Variants in CDH12 observed in about 807,000 individuals in gnomAD.
CDH12 encodes cadherin 12, also known as cadherin-12.
A neutral mutation model predicts 74.1 loss-of-function variants in CDH12; 41 were observed. The observed-to-expected ratio is 0.55, with a 90% CI of 0.43 to 0.72. CDH12 has a LOEUF of 0.72. CDH12 is among the 30% of genes least tolerant of loss of function. The probability of loss-of-function intolerance (pLI) is 0.00; values close to 1 mark genes in which losing one functional copy is unlikely to be tolerated. For missense variants in CDH12, 945 were observed against 977.2 expected (o/e 0.97, Z 0.44); for synonymous variants, 399 against 355.0 (o/e 1.12, Z -1.39).
rs146383305 is a variant in CDH12, at chr5:22,230,012, C to T, written c.-332-17369G>A. The stretch of plus-strand genomic sequence containing the variant: ...TTAATAAATAGTGAGAGTAGGACTA[C>T]GCTGCTATAAAGAAATACTGATTTA... On this transcript the variant is annotated intron_variant, in intron 3 of 14. Transcript: ENST00000382254. 1.5e-4 allele frequency among the ~76,000 whole-genome samples: 23 copies of T among 151,980 alleles called. 2 individuals carry two copies. In the East Asian group the frequency reaches 1.9e-3, roughly 13 times the overall value.
chr5:22,052,402 G>T (rs1378174699), intron 5 of CDH12, among the ~76,000 whole-genome samples: 3 of 151,960 alleles, frequency 2.0e-5, no homozygotes, highest in Non-Finnish European at 4.4e-5. Flanking sequence ...ATTTTCTCGG[G>T]AATCGTTCAC....
intron 1 of CDH12, among the ~76,000 whole-genome samples, chr5:22,672,035 T>C (rs900679932): frequency 1.4e-5 from 2 of 144,300 alleles, no homozygotes; most frequent in Admixed American, 1.4e-4. Context: ...TAAATATACG[T>C]AAAATATATA....
At chr5:21,812,140 A>T (rs1312254051) in intron 9 of CDH12, among the ~76,000 whole-genome samples, 1 of 152,082 alleles carries the variant, frequency 6.6e-6, no homozygotes, top group Admixed American at 6.6e-5. Context: ...TGTATTCTTA[A>T]GTGCGTTAAA....
At chr5:22,495,875 G>A (rs1747088095) in intron 2 of CDH12, among the ~76,000 whole-genome samples, 1 of 152,070 alleles carries the variant, frequency 6.6e-6, no homozygotes, top group South Asian at 2.1e-4. Context: ...ACAGAAGAGG[G>A]GGAACATTCT....
chr5:22,155,186 T>G (rs961627575), intron 4 of CDH12, among the ~76,000 whole-genome samples: 8 of 152,172 alleles, frequency 5.3e-5, no homozygotes, highest in Admixed American at 5.2e-4. Context: ...AAGGCTCATG[T>G]GATTAAATTG....
intron 1 of CDH12, among the ~76,000 whole-genome samples, chr5:22,805,527 T>C (rs1233776449): frequency 2.0e-5 from 3 of 152,150 alleles, no homozygotes; most frequent in Non-Finnish European, 4.4e-5. Flanking sequence ...TTTGAGTATA[T>C]GTTTGCTTAA....
chr5:21,880,447 T>C (rs1203576428), intron 6 of CDH12, among the ~76,000 whole-genome samples: 3 of 146,728 alleles, frequency 2.0e-5, no homozygotes, highest in African/African-American at 7.7e-5. Context: ...TCCTTCCTTC[T>C]TTCCTTCCTT....
At chr5:22,351,665 T>C (rs969755194) in intron 3 of CDH12, among the ~76,000 whole-genome samples, 2 of 152,248 alleles carry the variant, frequency 1.3e-5, no homozygotes, top group Non-Finnish European at 2.9e-5. Flanking sequence ...AGTTGCAGAA[T>C]TTATCATGAA....
At chr5:22,091,517 G>A (rs981238081) in intron 4 of CDH12, among the ~76,000 whole-genome samples, 8 of 151,768 alleles carry the variant, frequency 5.3e-5, no homozygotes, top group African/African-American at 1.9e-4. Flanking sequence ...AGTGAAAAAT[G>A]CATATGCTGA....
intron 1 of CDH12, among the ~76,000 whole-genome samples, chr5:22,684,269 G>A (rs760203396): frequency 1.3e-4 from 20 of 152,118 alleles, no homozygotes; most frequent in Non-Finnish European, 2.8e-4. Context: ...GGAGAATGGG[G>A]TATCCATCCC....
chr5:22,300,273 GACA>G (rs1355145991), intron 3 of CDH12, among the ~76,000 whole-genome samples: 1 of 152,166 alleles, frequency 6.6e-6, no homozygotes, highest in Admixed American at 6.5e-5. Context: ...CTACAGCTAT[GACA>G]ACAACATTTA....
At chr5:22,287,787 TA>T (rs1372783874) in intron 3 of CDH12, among the ~76,000 whole-genome samples, 5 of 150,814 alleles carry the variant, frequency 3.3e-5, no homozygotes, top group Non-Finnish European at 5.9e-5. Flanking sequence ...ATATATAATA[TA>T]AAAATCAATT....
intron 6 of CDH12, among the ~76,000 whole-genome samples, chr5:21,857,272 AG>A (rs1750804806): frequency 6.6e-6 from 1 of 151,838 alleles, no homozygotes; most frequent in South Asian, 2.1e-4. Context: ...CAGAATCTGA[AG>A]TAGTCTGGTA....
chr5:22,478,135 T>C (rs563130878), intron 2 of CDH12, among the ~76,000 whole-genome samples: 1 of 152,066 alleles, frequency 6.6e-6, no homozygotes, highest in South Asian at 2.1e-4. Context: ...TATTGAAAAA[T>C]AGGCCAGGCA....
intron 6 of CDH12, among the ~76,000 whole-genome samples, chr5:21,912,302 T>C (rs1367129712): frequency 6.6e-6 from 1 of 152,048 alleles, no homozygotes. Context: ...TGGAAAATTG[T>C]TAAGCAACTT....
intron 1 of CDH12, among the ~76,000 whole-genome samples, chr5:22,836,147 A>C (rs1011053374): frequency 6.7e-6 from 1 of 149,886 alleles, no homozygotes; most frequent in African/African-American, 2.5e-5. Context: ...ATCAATGCCT[A>C]CTCTAAAAAG....
chr5:22,748,611 T>C (rs1400730040), intron 1 of CDH12, among the ~76,000 whole-genome samples: 1 of 152,122 alleles, frequency 6.6e-6, no homozygotes, highest in South Asian at 2.1e-4. Context: ...AAGCACACTT[T>C]TAAGATCTAA....
intron 1 of CDH12, among the ~76,000 whole-genome samples, chr5:22,506,459 A>G (rs1218206300): frequency 6.6e-6 from 1 of 152,100 alleles, no homozygotes; most frequent in Non-Finnish European, 1.5e-5. Context: ...AGCTCTTTCA[A>G]TTAGCCTCTA....
At chr5:21,812,740 A>G (rs1310413351) in intron 9 of CDH12, among the ~76,000 whole-genome samples, 1 of 152,180 alleles carries the variant, frequency 6.6e-6, no homozygotes. Flanking sequence ...TACAATAGAT[A>G]GGTGGACAGT....
Sources: gnomAD v4.1 joint callset for allele counts (sites outside exome capture counted in the v4.1 genomes callset) on GRCh38, gnomAD v4.1.1 for gene constraint, MANE v1.5 for transcripts, NCBI Gene and HGNC (gene_info 2026-07-23, HGNC 2026-07-21) for gene names.